Variants in FUT8 observed in about 807,000 individuals in gnomAD.
The protein encoded by FUT8 is alpha-(1,6)-fucosyltransferase.
In FUT8, 29 loss-of-function variants were observed where a neutral mutation model predicts 71.3. That is an observed-to-expected ratio of 0.41 (90% CI 0.30 to 0.55). FUT8 has a LOEUF of 0.55. FUT8 is among the 20% of genes least tolerant of loss of function. The pLI, the probability that FUT8 is intolerant of heterozygous loss-of-function variation, is 0.34. For missense variants in FUT8, 544 were observed against 702.1 expected (o/e 0.77, Z 2.55); for synonymous variants, 254 against 239.3 (o/e 1.06, Z -0.57).
intron 7 of FUT8, among the ~76,000 whole-genome samples, chr14:65,691,271 C>G (rs184185181): frequency 1.3e-5 from 2 of 151,210 alleles, no homozygotes; most frequent in Admixed American, 1.3e-4. Flanking sequence ...CTGCTACTGA[C>G]TGATTCCTTT....
At chr14:65,697,304 G>A (rs1776069778) in intron 7 of FUT8, among the ~76,000 whole-genome samples, 1 of 152,140 alleles carries the variant, frequency 6.6e-6, no homozygotes, top group South Asian at 2.1e-4. Context: ...AGAGACTCCT[G>A]AAATAGGCAG....
the FUT8 span, among the ~76,000 whole-genome samples, chr14:65,379,545 A>C: frequency 1.6e-4 from 25 of 152,244 alleles, no homozygotes; most frequent in African/African-American, 3.4e-4. Context: ...AAAAAACAAA[A>C]AAAAAAAGTG....
intron 2 of FUT8, among the ~76,000 whole-genome samples, chr14:65,468,508 T>C (rs1348971176): frequency 2.6e-5 from 4 of 151,968 alleles, no homozygotes; most frequent in African/African-American, 9.7e-5. Flanking sequence ...GTTTTCTGTG[T>C]GTGTTGATTT....
intron 3 of FUT8, among the ~76,000 whole-genome samples, chr14:65,580,314 G>C (rs931473780): frequency 1.3e-5 from 2 of 151,414 alleles, no homozygotes; most frequent in African/African-American, 4.9e-5. Context: ...TGATGGTTAA[G>C]TATTTGTGTA....
At chr14:65,453,137 A>G (rs2065851502) in intron 1 of FUT8, among the ~76,000 whole-genome samples, 1 of 134,686 alleles carries the variant, frequency 7.4e-6, no homozygotes, top group Admixed American at 7.6e-5. Context: ...ATATTCCTAT[A>G]TTCTTTTTTT....
intron 1 of FUT8, among the ~76,000 whole-genome samples, chr14:65,415,947 C>T (rs994730897): frequency 1.3e-5 from 2 of 152,090 alleles, no homozygotes; most frequent in Non-Finnish European, 2.9e-5. Context: ...AAATCCAAGC[C>T]TAGAAACTGA....
chr14:65,448,652 G>A (rs1044591564), intron 1 of FUT8, among the ~76,000 whole-genome samples: 1 of 152,114 alleles, frequency 6.6e-6, no homozygotes, highest in African/African-American at 2.4e-5. Flanking sequence ...TTCTCATGGT[G>A]TGCCCAATCT....
At chr14:65,677,152 G>GTGTGTGCGCGCGCGCA (rs1555383261) in intron 7 of FUT8, among the ~76,000 whole-genome samples, 1 of 59,480 alleles carries the variant, frequency 1.7e-5, no homozygotes, top group Non-Finnish European at 4.6e-5. Context: ...GTGTGTGTGT[G>GTGTGTGCGCGCGCGCA]CGCGCGCGCA....
At chr14:65,500,701 T>A (rs921522025) in intron 2 of FUT8, among the ~76,000 whole-genome samples, 1 of 152,196 alleles carries the variant, frequency 6.6e-6, no homozygotes, top group Admixed American at 6.5e-5. Flanking sequence ...TTTCCCTAAT[T>A]TCTCAATAGT....
intron 2 of FUT8, among the ~76,000 whole-genome samples, chr14:65,487,360 C>T (rs933737689): frequency 3.3e-5 from 5 of 151,964 alleles, no homozygotes; most frequent in African/African-American, 4.8e-5. Flanking sequence ...ATCAGGAGTT[C>T]GAGATCAGCC....
At chr14:65,536,466 A>C (rs189245066) in intron 2 of FUT8, among the ~76,000 whole-genome samples, 1 of 151,904 alleles carries the variant, frequency 6.6e-6, no homozygotes, top group Non-Finnish European at 1.5e-5. Context: ...GAATTCCCTC[A>C]GCATTTGCTT....
chr14:65,599,548 C>T (rs1323887857), intron 3 of FUT8, among the ~76,000 whole-genome samples: 1 of 152,152 alleles, frequency 6.6e-6, no homozygotes, highest in Non-Finnish European at 1.5e-5. Flanking sequence ...GGACCTATGT[C>T]ATATAAAGGC....
chr14:65,679,822 A>G (rs368298730), intron 7 of FUT8, among the ~76,000 whole-genome samples: 1 of 152,198 alleles, frequency 6.6e-6, no homozygotes, highest in East Asian at 1.9e-4. Flanking sequence ...CTTATGCTCT[A>G]AAAAAGGGCT....
the FUT8 span, among the ~76,000 whole-genome samples, chr14:65,395,884 C>A: frequency 1.3e-5 from 2 of 152,322 alleles, no homozygotes; most frequent in Non-Finnish European, 2.9e-5. Flanking sequence ...AAACTGGATG[C>A]TTTTAACATC....
intron 1 of FUT8, among the ~76,000 whole-genome samples, chr14:65,434,971 G>A (rs1311109111): frequency 1.3e-5 from 2 of 152,098 alleles, no homozygotes; most frequent in Non-Finnish European, 2.9e-5. Flanking sequence ...CTGCCCATTT[G>A]TAGTTAACCT....
intron 3 of FUT8, among the ~76,000 whole-genome samples, chr14:65,568,254 T>C (rs1031505656): frequency 6.6e-6 from 1 of 151,814 alleles, no homozygotes; most frequent in Non-Finnish European, 1.5e-5. Flanking sequence ...TGTATATCTA[T>C]AGTAATGTCT....
chr14:65,498,119 G>A (rs2066588904), intron 2 of FUT8, among the ~76,000 whole-genome samples: 1 of 152,010 alleles, frequency 6.6e-6, no homozygotes, highest in Non-Finnish European at 1.5e-5. Flanking sequence ...CCCTAAGAAC[G>A]CTCTTTTAGA....
At chr14:65,705,772 C>T (rs570093326) in intron 7 of FUT8, among the ~76,000 whole-genome samples, 75 of 152,306 alleles carry the variant, frequency 4.9e-4, no homozygotes, top group Non-Finnish European at 9.7e-4. Flanking sequence ...AATGTCAGAA[C>T]TTCACGGTAG....
the FUT8 span, among the ~76,000 whole-genome samples, chr14:65,398,679 G>A: frequency 6.6e-6 from 1 of 151,492 alleles, no homozygotes; most frequent in Non-Finnish European, 1.5e-5. Context: ...GCAGTAAGCT[G>A]AGATCGCATC....
Sources: allele counts gnomAD v4.1 joint callset (sites outside exome capture counted in the v4.1 genomes callset), GRCh38; gene constraint gnomAD v4.1.1; transcripts MANE v1.5; gene names NCBI Gene and HGNC (gene_info 2026-07-23, HGNC 2026-07-21).